Variants in ZNF571 observed in about 807,000 individuals in gnomAD.
ZNF571 encodes zinc finger protein 571.
ZNF571 carries 4 observed loss-of-function variants against 7.7 expected under a neutral mutation model. That is an observed-to-expected ratio of 0.52 (90% CI 0.25 to 1.18). ZNF571 has a LOEUF of 1.18. Ranked by LOEUF, ZNF571 falls within the 50% of genes most tolerant of loss-of-function variation. ZNF571 has a pLI of 0.14. For missense variants in ZNF571, 704 were observed against 726.9 expected (o/e 0.97, Z 0.36); for synonymous variants, 251 against 232.4 (o/e 1.08, Z -0.73).
At chr19:37,592,562 C>T (rs561937038) in intron 1 of ZNF571, among the ~76,000 whole-genome samples, 3 of 152,100 alleles carry the variant, frequency 2.0e-5, no homozygotes, top group African/African-American at 7.2e-5. Flanking sequence ...AGAATGCATG[C>T]TTTAGGTGAA....
chr19:37,585,868 G>A (rs1448266239), intron 2 of ZNF571: 1 of 152,116 alleles, frequency 6.6e-6, no homozygotes, highest in African/African-American at 2.4e-5. Context: ...AGGCAGGTGA[G>A]TAAAAAAAGG....
chr19:37,564,738 C>CA lies in ZNF571; in HGVS notation c.1689dup (p.Gly564TrpfsTer5). The stretch of plus-strand genomic sequence containing the variant: ...TCTGAGCCACGACTAAAGGCCCTCC[C>CA]ACATTCCTTACATTCATAGGGTTTC... On this transcript the variant is annotated frameshift_variant, in exon 4 of 4. Coordinates refer to ENST00000451802, the MANE Select transcript of ZNF571 (RefSeq NM_016536.5). LOFTEE classifies it low-confidence loss of function (END_TRUNC). 1 of 1,613,666 alleles carries CA rather than the reference C, an allele frequency of 6.2e-7. No individual in the cohort carries two copies.
At chr19:37,578,793 C>T (rs1296589614) in intron 3 of ZNF571, among the ~76,000 whole-genome samples, 1 of 152,202 alleles carries the variant, frequency 6.6e-6, no homozygotes, top group Non-Finnish European at 1.5e-5. Flanking sequence ...GCTCTTCCAG[C>T]GCAGCAACCG....
intron 2 of ZNF571, chr19:37,586,348 C>T: frequency 3.4e-6 from 1 of 293,062 alleles, no homozygotes; most frequent in East Asian, 6.3e-5. Context: ...AAACACTCAT[C>T]TCTACCTCAC....
chr19:37,593,074 C>T (rs549371495), intron 1 of ZNF571, among the ~76,000 whole-genome samples: 2 of 151,590 alleles, frequency 1.3e-5, no homozygotes, highest in African/African-American at 4.8e-5. Context: ...ATAACCACCA[C>T]GCTGTTACAC....
At chr19:37,581,696 C>CA (rs1014195881) in intron 3 of ZNF571, among the ~76,000 whole-genome samples, 5 of 151,738 alleles carry the variant, frequency 3.3e-5, no homozygotes, top group African/African-American at 1.2e-4. Flanking sequence ...TTCCTGGGCT[C>CA]AAGCAATTCA....
rs1050487449 is a variant in ZNF571, at chr19:37,586,938, C to G, written c.-69-193G>C. 2.3e-5 allele frequency: 11 copies of G among 480,260 alleles called. No individual in the cohort carries two copies. In the Admixed American group the frequency reaches 4.3e-4, roughly 19 times the overall value. 29.7% of individuals were successfully genotyped at this position (480,260 alleles called of 1,614,324 possible). ...CCTTAATGTCCATGTTGAACAGGAC[C>G]CTAGGTGCTGTTACTTTCCCATGGC... is the stretch of plus-strand genomic sequence containing the variant. On this transcript the variant is annotated intron_variant, in intron 1 of 3. Coordinates refer to ENST00000451802, the MANE Select transcript of ZNF571 (RefSeq NM_016536.5).
intron 3 of ZNF571, among the ~76,000 whole-genome samples, chr19:37,578,725 G>T (rs951050524): frequency 4.0e-5 from 6 of 151,560 alleles, no homozygotes; most frequent in African/African-American, 1.5e-4. Flanking sequence ...ATTCCCCCAG[G>T]AACCTCCCAG....
intron 3 of ZNF571, among the ~76,000 whole-genome samples, chr19:37,578,074 C>T (rs1235760052): frequency 1.3e-5 from 2 of 152,116 alleles, no homozygotes; most frequent in Admixed American, 1.3e-4. Flanking sequence ...GTTGCGGGCT[C>T]CTTATGAGAA....
rs961042912 is a variant in ZNF571 at position 37,569,765 on chromosome 19, C to T, written c.137-3474G>A. ...AAACCAAGCTCCATCCTCCTATGGC[C>T]TGCAGTACACTGTTACTTCTGCTAG... On this transcript the variant is annotated intron_variant, in intron 3 of 3. Transcript: ENST00000451802. The surrounding 1 kb of genome is among the most constrained non-coding windows in gnomAD (Gnocchi z 4.4). The T allele has an allele frequency of 6.6e-6, 1 of 152,318 alleles. No homozygotes were observed. Among genetic ancestry groups the T allele is most frequent in the Non-Finnish European group, 1.5e-5 (1 of 68,118 alleles). 9.4% of individuals were successfully genotyped at this position (152,318 alleles called of 1,614,324 possible).
rs202194974 is a variant in ZNF571 at position 37,565,507 on chromosome 19, A to G, written c.921T>C (p.Tyr307=). The change falls in exon 4 of 4, where the codon TAT becomes TAC. Residue 307 remains tyrosine, a synonymous_variant. Transcript: ENST00000451802. ...AGGCCTTTCCACATTCCTTACACTC[A>G]TAAGGTTTCTCACCACTATGAATTC... ...HQRIHSGEKP[Y]ECKECGKAFI... is the part of the protein sequence containing the mutation. The G allele has an allele frequency of 1.1e-5, 18 of 1,613,710 alleles. No homozygotes were observed. The East Asian group carries it at 2.0e-4, about 18-fold the overall frequency.
In ZNF571 at chr19:37,565,943, T is replaced by C. The variant is rs757113314; in HGVS notation, c.485A>G (p.Asn162Ser). 3 of 1,613,864 alleles carry C rather than the reference T, an allele frequency of 1.9e-6. No homozygotes were observed. Among genetic ancestry groups the C allele is most frequent in the Non-Finnish European group, 2.5e-6 (3 of 1,179,826 alleles). ...SCLIQHEENH[N>S]IEKCSEVKKH... ...CTTAACTTCAGAGCATTTTTCTATA[T>C]TATGATTTTCCTCATGTTGAATAAG... Residue 162 changes from asparagine (N) to serine (S), a missense_variant, in exon 4 of 4, where the codon AAT (asparagine) becomes AGT (serine). Asn to Ser is a conservative substitution (Grantham distance 46, BLOSUM62 1). Coordinates refer to ENST00000451802, the MANE Select transcript of ZNF571 (RefSeq NM_016536.5).
At chr19:37,583,250 C>T (rs1306924168) in intron 3 of ZNF571, among the ~76,000 whole-genome samples, 1 of 152,156 alleles carries the variant, frequency 6.6e-6, no homozygotes, top group African/African-American at 2.4e-5. Flanking sequence ...GCTCTCAGTA[C>T]GTATGTGCTG....
intron 3 of ZNF571, among the ~76,000 whole-genome samples, chr19:37,577,097 T>C (rs7256747): frequency 0.79 from 119,926 of 152,120 alleles, 47,377 homozygotes; most frequent in South Asian, 0.88. Context: ...GAACATTCCA[T>C]TTACAACAAA....
chr19:37,572,427 T>C (rs1206196170), intron 3 of ZNF571, among the ~76,000 whole-genome samples: 1 of 152,214 alleles, frequency 6.6e-6, no homozygotes, highest in East Asian at 1.9e-4. Flanking sequence ...GCTCAAGACA[T>C]GAATCATCCC....
At chr19:37,594,083 C>T (rs973772215) in intron 1 of ZNF571, 1 of 152,136 alleles carries the variant, frequency 6.6e-6, no homozygotes, top group African/African-American at 2.4e-5. Context: ...AGGATAACAC[C>T]AACCTCTAGA....
intron 1 of ZNF571, among the ~76,000 whole-genome samples, chr19:37,590,502 T>C (rs747314794): frequency 1.1e-4 from 17 of 152,116 alleles, no homozygotes; most frequent in Non-Finnish European, 2.2e-4. Flanking sequence ...ATTAGACAAT[T>C]ATTACATCTC....
At chr19:37,589,864 C>CAATA (rs2043813995) in intron 1 of ZNF571, among the ~76,000 whole-genome samples, 1 of 29,590 alleles carries the variant, frequency 3.4e-5, no homozygotes, top group African/African-American at 1.5e-4. Flanking sequence ...GACTCCATCT[C>CAATA]AAAAAAAAAA....
intron 1 of ZNF571, among the ~76,000 whole-genome samples, chr19:37,592,856 T>C (rs985210674): frequency 2.7e-4 from 41 of 152,324 alleles, no homozygotes; most frequent in African/African-American, 9.6e-4. Flanking sequence ...GGACAGATGA[T>C]CTAGTTTTTC....
Sources: gnomAD v4.1 joint callset for allele counts (sites outside exome capture counted in the v4.1 genomes callset) on GRCh38, gnomAD v4.1.1 for gene constraint, Gnocchi (gnomAD v3.1) non-coding constraint, MANE v1.5 for transcripts, NCBI Gene and HGNC (gene_info 2026-07-23, HGNC 2026-07-21) for gene names.